Variants in PCDH15 observed in about 807,000 individuals in gnomAD.
PCDH15 encodes the protein protocadherin related 15, also known as protocadherin-15.
Under a neutral mutation model 178.5 loss-of-function variants are expected in PCDH15, and 129 were observed. The observed-to-expected ratio is 0.72, with a 90% CI of 0.63 to 0.84. PCDH15 has a LOEUF of 0.84. Among genes scored for constraint, PCDH15 ranks in the 40% least tolerant of loss-of-function variants. PCDH15 has a pLI of 0.00. For synonymous variants in PCDH15, 800 were observed against 732.0 expected (o/e 1.09, Z -1.50); for missense variants, 2,230 against 2,099.9 (o/e 1.06, Z -1.21).
At chr10:53,970,881 T>C (rs945036763) in intron 21 of PCDH15, among the ~76,000 whole-genome samples, 19 of 152,322 alleles carry the variant, frequency 1.2e-4, no homozygotes, top group African/African-American at 4.6e-4. Context: ...CTGGTACTAT[T>C]CCTTCTGAAG....
chr10:55,030,260 T>C (rs1840576802), intron 2 of PCDH15, among the ~76,000 whole-genome samples: 1 of 152,164 alleles, frequency 6.6e-6, no homozygotes. Flanking sequence ...GAGCAGCCAT[T>C]ATCATCATGT....
rs1948811045 is a variant in PCDH15 at position 54,378,782 on chromosome 10, A to G, written c.318T>C (p.Asp106=). The G allele has an allele frequency of 5.0e-6, 8 of 1,613,588 alleles. No homozygotes were observed. The highest frequency in any genetic ancestry group is 6.8e-6 in the Non-Finnish European group (8 of 1,179,738). Reference sequence around the variant, plus strand: ...GGGGCAAAGAAAAAAAATCACTAACATCTCTATCCAGAACTCTTCCGGTGC... The same window carrying G: ...GGGGCAAAGAAAAAAAATCACTAACGTCTCTATCCAGAACTCTTCCGGTGC... The part of the protein sequence containing the change: ...LNSTGRVLDR[D]PPMNIHSIVV... The change falls in exon 4 of 38, where the codon GAT becomes GAC. Residue 106 remains aspartate (D), a splice_region_variant and synonymous_variant. Coordinates refer to ENST00000644397, the MANE Select transcript of PCDH15 (RefSeq NM_001384140.1).
chr10:54,128,971 A>T (rs150723512), intron 15 of PCDH15, among the ~76,000 whole-genome samples: 3 of 152,324 alleles, frequency 2.0e-5, no homozygotes, highest in African/African-American at 7.2e-5. Flanking sequence ...CAGATAAAAT[A>T]AAATATAATA....
At chr10:54,559,076 C>T (rs1346924660) in intron 2 of PCDH15, among the ~76,000 whole-genome samples, 3 of 151,992 alleles carry the variant, frequency 2.0e-5, no homozygotes, top group East Asian at 3.9e-4. Flanking sequence ...GGAAGACACA[C>T]GAAGGCCTCT....
chr10:53,878,910 G>A (rs2080483435), intron 26 of PCDH15, among the ~76,000 whole-genome samples: 1 of 152,090 alleles, frequency 6.6e-6, no homozygotes, highest in African/African-American at 2.4e-5. Flanking sequence ...CTAAGGCTTT[G>A]CTCCTCATTT....
chr10:54,455,361 A>C (rs189439110), intron 3 of PCDH15, among the ~76,000 whole-genome samples: 5 of 152,288 alleles, frequency 3.3e-5, no homozygotes, highest in Non-Finnish European at 4.4e-5. Context: ...GAAGACAGGA[A>C]GATTTGGGAA....
intron 8 of PCDH15, among the ~76,000 whole-genome samples, chr10:54,291,541 T>C (rs2059406148): frequency 6.6e-6 from 1 of 152,128 alleles, no homozygotes; most frequent in Non-Finnish European, 1.5e-5. Context: ...GAGCTGGTTT[T>C]TTGAAAGGAC....
chr10:53,985,793 C>A (rs1278615117), intron 21 of PCDH15, among the ~76,000 whole-genome samples: 3 of 151,968 alleles, frequency 2.0e-5, no homozygotes, highest in Admixed American at 6.6e-5. Context: ...TTCCAGAATG[C>A]AGGGGAAAAG....
At chr10:55,520,504 T>C (rs1351767942) in intron 2 of PCDH15, among the ~76,000 whole-genome samples, 3 of 137,248 alleles carry the variant, frequency 2.2e-5, no homozygotes, top group Non-Finnish European at 4.8e-5. Context: ...TGTGTGTGTG[T>C]GTATATGTGT....
intron 1 of PCDH15, among the ~76,000 whole-genome samples, chr10:55,202,797 A>G (rs2132160653): frequency 6.6e-6 from 1 of 152,216 alleles, no homozygotes; most frequent in South Asian, 2.1e-4. Context: ...TGATGGTTTT[A>G]TAAGTGTTTG....
At chr10:55,601,614 T>C (rs1341686140) in intron 2 of PCDH15, among the ~76,000 whole-genome samples, 1 of 152,120 alleles carries the variant, frequency 6.6e-6, no homozygotes, top group East Asian at 1.9e-4. Context: ...AAATTACAGA[T>C]ATATTATGAC....
Position 54,769,200 on chromosome 10 carries a change from T to C in PCDH15, c.-29+31725A>G, listed in dbSNP as rs545145581. On this transcript the variant is annotated intron_variant, in intron 1 of 37. Transcript: ENST00000644397. ...ATCAAAGTTGCAAGACACTTCATGT[T>C]GAGAACTACAAAGACACAGCCATAG... Among the ~76,000 whole-genome samples the C allele has an allele frequency of 6.3e-4, 96 of 152,170 alleles. 1 individual carries two copies. Among genetic ancestry groups the C allele is most frequent in the African/African-American group, 2.2e-3 (93 of 41,510 alleles).
intron 2 of PCDH15, among the ~76,000 whole-genome samples, chr10:55,106,135 G>T (rs1842669016): frequency 6.6e-6 from 1 of 151,942 alleles, no homozygotes; most frequent in South Asian, 2.1e-4. Context: ...ACATGCTACA[G>T]CTGGTTTACA....
intron 2 of PCDH15, among the ~76,000 whole-genome samples, chr10:55,380,841 T>C (rs953010176): frequency 6.6e-6 from 1 of 152,104 alleles, no homozygotes; most frequent in African/African-American, 2.4e-5. Flanking sequence ...TCTTGCAAAG[T>C]AAAACGTCAG....
At chr10:54,409,142 G>C (rs10740582) in intron 3 of PCDH15, among the ~76,000 whole-genome samples, 120,794 of 152,054 alleles carry the variant, frequency 0.79, 48,771 homozygotes, top group East Asian at 0.99. Flanking sequence ...TGTATTTTGC[G>C]TTTTGCCATG....
At chr10:55,401,391 G>T (rs898888568) in intron 2 of PCDH15, among the ~76,000 whole-genome samples, 1 of 151,958 alleles carries the variant, frequency 6.6e-6, no homozygotes, top group African/African-American at 2.4e-5. Context: ...GTAGTCATAT[G>T]GGAGGAATTT....
chr10:54,572,148 C>A (rs1010612989), intron 2 of PCDH15, among the ~76,000 whole-genome samples: 1 of 152,028 alleles, frequency 6.6e-6, no homozygotes, highest in African/African-American at 2.4e-5. Flanking sequence ...AATTTTACAC[C>A]TGCCTACATG....
chr10:54,732,891 A>C (rs1943597910), intron 1 of PCDH15, among the ~76,000 whole-genome samples: 1 of 151,594 alleles, frequency 6.6e-6, no homozygotes, highest in African/African-American at 2.4e-5. Flanking sequence ...TCAGAAATTG[A>C]GTCTACATAA....
chr10:54,111,254 C>A (rs1173939297), intron 15 of PCDH15, among the ~76,000 whole-genome samples: 1 of 152,078 alleles, frequency 6.6e-6, no homozygotes, highest in Non-Finnish European at 1.5e-5. Flanking sequence ...TCATTTATTG[C>A]CAAGTTACTA....
Sources: gnomAD v4.1 joint callset for allele counts (sites outside exome capture counted in the v4.1 genomes callset) on GRCh38, gnomAD v4.1.1 for gene constraint, MANE v1.5 for transcripts, NCBI Gene and HGNC (gene_info 2026-07-23, HGNC 2026-07-21) for gene names.